COL6A6: variants seen among roughly 807,000 people sequenced by gnomAD.
COL6A6 encodes collagen type VI alpha 6 chain.
Under a neutral mutation model 208.6 loss-of-function variants are expected in COL6A6, and 183 were observed. The observed-to-expected ratio is 0.88, with a 90% CI of 0.78 to 0.99. COL6A6 has a LOEUF of 0.99. Among genes scored for constraint, COL6A6 ranks in the 50% least tolerant of loss-of-function variants. The pLI is 0.00. For synonymous variants in COL6A6, 973 were observed against 1,011.8 expected (o/e 0.96, Z 0.73); for missense variants, 2,816 against 2,815.2 (o/e 1.00, Z -0.01).
intron 1 of COL6A6, among the ~76,000 whole-genome samples, chr3:130,549,248 C>T (rs2062589683): frequency 1.3e-5 from 2 of 152,158 alleles, no homozygotes; most frequent in South Asian, 4.1e-4. Flanking sequence ...TGGCTCACTG[C>T]AGCCTTGACC....
At chr3:130,607,186 C>G (rs1225713859) in intron 21 of COL6A6, among the ~76,000 whole-genome samples, 1 of 152,128 alleles carries the variant, frequency 6.6e-6, no homozygotes, top group Admixed American at 6.5e-5. Context: ...CAGAGATGTA[C>G]TTAGCACAAT....
intron 1 of COL6A6, among the ~76,000 whole-genome samples, chr3:130,531,326 C>T (rs2062090491): frequency 6.6e-6 from 1 of 151,962 alleles, no homozygotes; most frequent in African/African-American, 2.4e-5. Context: ...TGACCTCTAC[C>T]CACTAGATGT....
intron 35 of COL6A6, among the ~76,000 whole-genome samples, chr3:130,663,352 GA>G (rs1200183696): frequency 6.6e-6 from 1 of 152,142 alleles, no homozygotes; most frequent in Non-Finnish European, 1.5e-5. Flanking sequence ...TTCTGAACCA[GA>G]ATCTGCATAT....
At chr3:130,520,951 T>C (rs568658351) in intron 1 of COL6A6, among the ~76,000 whole-genome samples, 50 of 152,308 alleles carry the variant, frequency 3.3e-4, no homozygotes, top group African/African-American at 8.2e-4. Flanking sequence ...AGAAAATTTT[T>C]CCCCAAATGC....
chr3:130,547,872 G>A (rs1390377593), intron 1 of COL6A6, among the ~76,000 whole-genome samples: 7 of 152,012 alleles, frequency 4.6e-5, no homozygotes, highest in East Asian at 1.9e-4. Flanking sequence ...GTCTCGGCTC[G>A]CTGCAACCTT....
At chr3:130,565,704 G>C in intron 4 of COL6A6, 90 bp downstream of exon 4, 2 of 1,377,402 alleles carry the variant, frequency 1.5e-6, no homozygotes. Flanking sequence ...GGCTTGGGAA[G>C]ATGTGGATGG....
At position 130,568,176 on chromosome 3, in the gene COL6A6, G is replaced by A. The variant is rs777908342; in HGVS notation, c.1973G>A (p.Arg658Gln). 39 of 1,613,834 alleles carry A rather than the reference G, an allele frequency of 2.4e-5. No homozygotes were observed. The highest frequency in any genetic ancestry group is 1.6e-4 in the Middle Eastern group (1 of 6,084). ...LVSKSQIGPDRVQIGVVQFSD... is the reference protein window; with the variant it reads ...LVSKSQIGPDQVQIGVVQFSD... ...AGCAAGTCTCAGATTGGACCAGATCGGGTGCAAATTGGTGTAGTCCAGTTC... is the reference window on the plus strand; with the variant it reads ...AGCAAGTCTCAGATTGGACCAGATCAGGTGCAAATTGGTGTAGTCCAGTTC... The change falls in exon 6 of 37, where the codon CGG becomes CAG. Residue 658 changes from arginine (R) to glutamine (Q), a missense_variant. Physicochemically the swap from Arg to Gln is conservative, Grantham distance 43. Coordinates refer to ENST00000358511, the MANE Select transcript of COL6A6 (RefSeq NM_001102608.3).
At chr3:130,637,730 T>C (rs1283568859) in intron 28 of COL6A6, among the ~76,000 whole-genome samples, 3 of 152,120 alleles carry the variant, frequency 2.0e-5, no homozygotes, top group Non-Finnish European at 4.4e-5. Flanking sequence ...TCACCTTGAT[T>C]TTTTTTTCCT....
intron 1 of COL6A6, among the ~76,000 whole-genome samples, chr3:130,547,799 T>C (rs371446408): frequency 1.3e-5 from 2 of 152,322 alleles, no homozygotes; most frequent in East Asian, 1.9e-4. Context: ...AGTTGTTTTA[T>C]TTATTTATTT....
intron 18 of COL6A6, among the ~76,000 whole-genome samples, chr3:130,596,986 G>A (rs554141375): frequency 2.6e-5 from 4 of 152,174 alleles, no homozygotes; most frequent in East Asian, 3.9e-4. Context: ...AGACTAAATC[G>A]GTTCAGATTC....
intron 32 of COL6A6, among the ~76,000 whole-genome samples, chr3:130,645,207 G>A (rs982807694): frequency 4.7e-5 from 7 of 148,466 alleles, no homozygotes; most frequent in African/African-American, 1.8e-4. Flanking sequence ...TCTCAACCAA[G>A]CGATTTGCTT....
intron 33 of COL6A6, among the ~76,000 whole-genome samples, chr3:130,652,503 C>T (rs2108419169): frequency 6.6e-6 from 1 of 152,296 alleles, no homozygotes; most frequent in Middle Eastern, 3.4e-3. Context: ...TCATCTTATA[C>T]ACCAGGTACT....
chr3:130,566,632 T>C (rs1256470263), intron 4 of COL6A6, 70 bp from the exon 5 acceptor site: 12 of 1,311,900 alleles, frequency 9.1e-6, no homozygotes, highest in Non-Finnish European at 1.0e-6. Flanking sequence ...TTTGTTCTTC[T>C]TTCCATGTGC....
chr3:130,663,060 G>T (rs2065977159), intron 35 of COL6A6, among the ~76,000 whole-genome samples: 1 of 152,192 alleles, frequency 6.6e-6, no homozygotes, highest in Non-Finnish European at 1.5e-5. Context: ...TTGCAGTCCA[G>T]ATACAGAAAA....
Position 130,675,292 on chromosome 3 carries a change from A to G in COL6A6, c.6687A>G (p.Val2229=). The change falls in exon 37 of 37, where the codon GTA becomes GTG. Residue 2229 remains valine (V), a synonymous_variant. Transcript: ENST00000358511. ...AAGATAAAAAATATCTTTCAAGAGT[A>G]GCAAGAAGTGGCAGAGATGATGCTA... is the stretch of plus-strand genomic sequence containing the variant. ...FFQDKKYLSR[V]ARSGRDDAIQ... is the part of the protein sequence containing the mutation. 2 of 1,591,530 alleles carry G rather than the reference A, an allele frequency of 1.3e-6. No homozygotes were observed. The highest frequency in any genetic ancestry group is 1.3e-5 in the African/African-American group (1 of 74,740).
Position 130,659,967 on chromosome 3 carries a change from C to T in COL6A6, c.5830+1195C>T, listed in dbSNP as rs553298342. Reference sequence around the variant, plus strand: ...CTTGACTGCACAGAATTGGTTTAGGCGCTGGCAATCTTACTCAGAACAGTT... The same window carrying T: ...CTTGACTGCACAGAATTGGTTTAGGTGCTGGCAATCTTACTCAGAACAGTT... On this transcript the variant is annotated intron_variant, in intron 34 of 36. Coordinates refer to ENST00000358511, the MANE Select transcript of COL6A6 (RefSeq NM_001102608.3). 4.6e-5 allele frequency among the ~76,000 whole-genome samples: 7 copies of T among 152,302 alleles called. No individual in the cohort carries two copies. The South Asian group carries it at 6.2e-4, about 14-fold the overall frequency.
At chr3:130,657,469 T>G (rs531780274) in intron 33 of COL6A6, among the ~76,000 whole-genome samples, 180 of 152,364 alleles carry the variant, frequency 1.2e-3, no homozygotes, top group African/African-American at 4.0e-3. Flanking sequence ...CTTGACTGAT[T>G]ACGGTTCGGG....
At chr3:130,651,343 T>C (rs1394522488) in intron 33 of COL6A6, among the ~76,000 whole-genome samples, 1 of 150,114 alleles carries the variant, frequency 6.7e-6, no homozygotes, top group Admixed American at 6.7e-5. Flanking sequence ...GGAGAATCGC[T>C]TGAACCCAGG....
rs201022773 is a variant in COL6A6 at position 130,649,473 on chromosome 3, A to G, written c.5644A>G (p.Thr1882Ala). 5.8e-4 allele frequency: 941 copies of G among 1,610,888 alleles called. 5 individuals are homozygous for G. The African/African-American group carries it at 8.7e-3, about 15-fold the overall frequency. Reference protein sequence around the residue: ...SGQSADAHSITTAAMEFGALE... With the variant: ...SGQSADAHSIATAAMEFGALE... ...TCAGTCCGCGGATGCCCACTCCATC[A>G]CCACGGCTGCCATGGAGTTCGGCGC... is the stretch of plus-strand genomic sequence containing the variant. Residue 1882 changes from threonine to alanine, a missense_variant, in exon 33 of 37, where the codon ACC becomes GCC. Coordinates refer to ENST00000358511, the MANE Select transcript of COL6A6 (RefSeq NM_001102608.3).
Sources: gnomAD v4.1 joint callset for allele counts (sites outside exome capture counted in the v4.1 genomes callset) on GRCh38, gnomAD v4.1.1 for gene constraint, MANE v1.5 for transcripts, NCBI Gene and HGNC (gene_info 2026-07-23, HGNC 2026-07-21) for gene names.